Variants in SLC24A2 observed in about 807,000 individuals in gnomAD.
SLC24A2 encodes sodium/potassium/calcium exchanger 2.
SLC24A2 carries 36 observed loss-of-function variants against 62.0 expected under a neutral mutation model. The ratio of observed to expected loss-of-function variants is 0.58; its 90% confidence interval spans 0.44 to 0.77. The LOEUF (loss-of-function observed/expected upper bound fraction) is 0.77, where lower values mean the gene tolerates loss of function less well. Among genes scored for constraint, SLC24A2 ranks in the 30% least tolerant of loss-of-function variants. SLC24A2 has a pLI of 0.00. For missense variants in SLC24A2, 846 were observed against 817.9 expected (o/e 1.03, Z -0.42); for synonymous variants, 358 against 294.0 (o/e 1.22, Z -2.23).
At chr9:19,563,552 T>TATCA (rs1389122354) in intron 7 of SLC24A2, among the ~76,000 whole-genome samples, 8 of 152,170 alleles carry the variant, frequency 5.3e-5, no homozygotes, top group Admixed American at 5.2e-4. Flanking sequence ...TAGAAATCCC[T>TATCA]ATCAGAGCTA....
At chr9:20,020,677 AACCTGCGTGTTCT>A in the SLC24A2 span, among the ~76,000 whole-genome samples, 1 of 152,168 alleles carries the variant, frequency 6.6e-6, no homozygotes, top group African/African-American at 2.4e-5. Flanking sequence ...CTTTGTAACA[AACCTGCGTGTTCT>A]GCACACGTAT....
chr9:19,848,960 A>T, the SLC24A2 span, among the ~76,000 whole-genome samples: 1 of 152,252 alleles, frequency 6.6e-6, no homozygotes. Context: ...CTGGGGATAC[A>T]AAGATAAATA....
the SLC24A2 span, among the ~76,000 whole-genome samples, chr9:20,232,119 C>T: frequency 6.6e-6 from 1 of 152,272 alleles, no homozygotes; most frequent in East Asian, 1.9e-4. Context: ...TTTTGATGTG[C>T]TGCTGGATTT....
the SLC24A2 span, among the ~76,000 whole-genome samples, chr9:19,882,445 A>T: frequency 1.3e-5 from 2 of 151,650 alleles, no homozygotes; most frequent in East Asian, 3.9e-4. Context: ...TGTCATCTTG[A>T]TATGTGTGGA....
the SLC24A2 span, among the ~76,000 whole-genome samples, chr9:20,034,345 T>G: frequency 6.6e-6 from 1 of 152,170 alleles, no homozygotes. Context: ...AACACCTCTC[T>G]GTGGTACTGC....
the SLC24A2 span, among the ~76,000 whole-genome samples, chr9:19,825,370 G>A: frequency 3.9e-5 from 6 of 152,292 alleles, no homozygotes; most frequent in Non-Finnish European, 8.8e-5. Flanking sequence ...GGTGGGCACT[G>A]ACAAGACTAA....
At chr9:19,660,108 G>T (rs1819053371) in intron 2 of SLC24A2, among the ~76,000 whole-genome samples, 1 of 152,192 alleles carries the variant, frequency 6.6e-6, no homozygotes, top group South Asian at 2.1e-4. Context: ...TGCCGCACAG[G>T]ATTTCTCTGC....
chr9:20,240,691 G>C, the SLC24A2 span, among the ~76,000 whole-genome samples: 18 of 152,004 alleles, frequency 1.2e-4, no homozygotes, highest in African/African-American at 4.3e-4. Context: ...CTATGAGGTT[G>C]GTCATTTCAG....
the SLC24A2 span, among the ~76,000 whole-genome samples, chr9:20,158,614 C>T: frequency 6.6e-6 from 1 of 151,472 alleles, no homozygotes; most frequent in African/African-American, 2.4e-5. Flanking sequence ...CAGTCGATGG[C>T]ATTTTATATT....
the SLC24A2 span, among the ~76,000 whole-genome samples, chr9:19,907,205 A>C: frequency 6.6e-6 from 1 of 152,228 alleles, no homozygotes; most frequent in East Asian, 1.9e-4. Context: ...CCAGCATATA[A>C]ACAGAACCAA....
At chr9:20,153,024 C>A in the SLC24A2 span, among the ~76,000 whole-genome samples, 8 of 151,704 alleles carry the variant, frequency 5.3e-5, no homozygotes, top group African/African-American at 1.9e-4. Flanking sequence ...GACCGACAAA[C>A]AGAGCTTAAG....
At chr9:19,805,457 TA>T in the SLC24A2 span, among the ~76,000 whole-genome samples, 1 of 152,140 alleles carries the variant, frequency 6.6e-6, no homozygotes, top group African/African-American at 2.4e-5. Flanking sequence ...TTCACCTTAT[TA>T]AAAAATGCAT....
At chr9:20,022,775 G>A in the SLC24A2 span, among the ~76,000 whole-genome samples, 1 of 152,090 alleles carries the variant, frequency 6.6e-6, no homozygotes, top group African/African-American at 2.4e-5. Flanking sequence ...CTATTATCCT[G>A]CCTTGAATGG....
Position 19,514,250 on chromosome 9 carries a change from G to A in SLC24A2, c.*1903C>T, listed in dbSNP as rs1042640139. 1 of 152,204 alleles carries A rather than the reference G, an allele frequency of 6.6e-6. No individual in the cohort carries two copies. The highest frequency in any genetic ancestry group is 1.5e-5 in the Non-Finnish European group (1 of 68,076). The allele number at this position is 152,204 out of a possible 1,614,324, so 9.4% of individuals were successfully genotyped here. ...AGGTTACCTTTCCTCTTATTCTGCTGTGAGTTCTGCATCCTGTCCTCTTAT... is the reference window on the plus strand; with the variant it reads ...AGGTTACCTTTCCTCTTATTCTGCTATGAGTTCTGCATCCTGTCCTCTTAT... On this transcript the variant is annotated 3_prime_UTR_variant, in exon 11 of 11. Transcript: ENST00000341998.
At chr9:20,292,738 C>A in the SLC24A2 span, among the ~76,000 whole-genome samples, 1 of 152,308 alleles carries the variant, frequency 6.6e-6, no homozygotes, top group African/African-American at 2.4e-5. Context: ...CACAGGCATG[C>A]ACCACCAAGC....
chr9:19,954,046 T>C, the SLC24A2 span, among the ~76,000 whole-genome samples: 2 of 152,038 alleles, frequency 1.3e-5, no homozygotes, highest in Non-Finnish European at 2.9e-5. Context: ...GTTTGGGAAC[T>C]ATGGGTCTAG....
chr9:19,842,444 G>A, the SLC24A2 span, among the ~76,000 whole-genome samples: 2 of 152,156 alleles, frequency 1.3e-5, no homozygotes, highest in Admixed American at 1.3e-4. Context: ...TACAGGAAAC[G>A]ATTTATGCTT....
chr9:19,687,080 A>G (rs1819904482), intron 2 of SLC24A2, among the ~76,000 whole-genome samples: 1 of 152,100 alleles, frequency 6.6e-6, no homozygotes, highest in Non-Finnish European at 1.5e-5. Flanking sequence ...CTAAACATTG[A>G]GTACACATAG....
At chr9:20,156,336 C>T in the SLC24A2 span, among the ~76,000 whole-genome samples, 6,925 of 151,734 alleles carry the variant, frequency 0.046, 503 homozygotes, top group African/African-American at 0.16. Context: ...ATATTCAAGG[C>T]CTTGGGAAGC....
Sources: allele counts gnomAD v4.1 joint callset (sites outside exome capture counted in the v4.1 genomes callset), GRCh38; gene constraint gnomAD v4.1.1; transcripts MANE v1.5; gene names NCBI Gene and HGNC (gene_info 2026-07-23, HGNC 2026-07-21).